The following HUNK variants were observed in gnomAD, a reference collection of about 807,000 sequenced individuals.
HUNK encodes the protein hormonally up-regulated neu tumor-associated kinase.
A neutral mutation model predicts 61.0 loss-of-function variants in HUNK; 21 were observed. That is an observed-to-expected ratio of 0.34 (90% CI 0.24 to 0.50). The LOEUF is 0.50. HUNK is among the 20% of genes least tolerant of loss of function. The pLI, the probability that HUNK is intolerant of heterozygous loss-of-function variation, is 0.98. For missense variants in HUNK, 772 were observed against 945.7 expected, an observed-to-expected ratio of 0.82 and a Z score of 2.41; for synonymous variants, 371 against 386.1, an observed-to-expected ratio of 0.96 and a Z score of 0.46.
chr21:31,917,887 T>C (rs2052596917), intron 1 of HUNK, among the ~76,000 whole-genome samples: 1 of 152,182 alleles, frequency 6.6e-6, no homozygotes, highest in Non-Finnish European at 1.5e-5. Flanking sequence ...GCCTGGAACA[T>C]GCTAAACTTG....
At chr21:31,916,043 CTTTTTTTTTTTT>C (rs34245381) in intron 1 of HUNK, among the ~76,000 whole-genome samples, 14 of 81,772 alleles carry the variant, frequency 1.7e-4, no homozygotes, top group South Asian at 1.7e-3. Flanking sequence ...TAAGTGCTTT[CTTTTTTTTTTTT>C]TTTTTTTTTT....
At chr21:31,966,806 A>G (rs1259599326) in intron 5 of HUNK, among the ~76,000 whole-genome samples, 1 of 152,224 alleles carries the variant, frequency 6.6e-6, no homozygotes, top group East Asian at 1.9e-4. Context: ...GACCAAGCAC[A>G]TTATTATTTT....
At chr21:31,959,748 G>A (rs953169245) in intron 5 of HUNK, among the ~76,000 whole-genome samples, 1 of 152,198 alleles carries the variant, frequency 6.6e-6, no homozygotes, top group African/African-American at 2.4e-5. Context: ...GATACTTAGC[G>A]ATAGTTAAAA....
intron 1 of HUNK, among the ~76,000 whole-genome samples, chr21:31,908,874 GT>G: frequency 6.6e-6 from 1 of 151,820 alleles, no homozygotes. Flanking sequence ...GGTGTTCAGG[GT>G]TTTTTTTGCC....
chr21:31,960,496 G>A (rs774092443), intron 5 of HUNK, among the ~76,000 whole-genome samples: 42 of 152,166 alleles, frequency 2.8e-4, no homozygotes, highest in Non-Finnish European at 5.0e-4. Context: ...CCTTCATCTG[G>A]TGTACTAGTC....
At chr21:31,891,998 G>A (rs926902171) in intron 1 of HUNK, among the ~76,000 whole-genome samples, 3 of 152,004 alleles carry the variant, frequency 2.0e-5, no homozygotes, top group Admixed American at 6.6e-5. Context: ...AGCACAGGCT[G>A]TGGGGGCTGA....
At position 31,917,695 on chromosome 21, in the gene HUNK, TACACACACACACACACACACACAC is replaced by T. The variant is rs3056146; in HGVS notation, c.262-6734_262-6711del. Among the ~76,000 whole-genome samples the T allele has an allele frequency of 5.5e-3, 521 of 94,950 alleles. 7 individuals carry two copies. Among genetic ancestry groups the T allele is most frequent in the African/African-American group, 0.018 (468 of 25,742 alleles). 62.3% of individuals were successfully genotyped at this position (94,950 alleles called of 152,430 possible). A position where few individuals can be genotyped will look rare whatever the true frequency, so the allele number is the denominator to read the frequency against. On this transcript the variant is annotated intron_variant, in intron 1 of 10. Coordinates refer to ENST00000270112, the MANE Select transcript of HUNK (RefSeq NM_014586.2). Reference sequence around the variant, plus strand: ...CTCCTGAAACTCCCATTCCCAAACATACACACACACACACACACACACACACACACACACACACACACACACACA... The same window carrying T: ...CTCCTGAAACTCCCATTCCCAAACATACACACACACACACACACACACACA...
chr21:31,938,380 A>G (rs1340867920), intron 2 of HUNK, among the ~76,000 whole-genome samples: 1 of 152,204 alleles, frequency 6.6e-6, no homozygotes, highest in African/African-American at 2.4e-5. Context: ...GTTGTTTTAA[A>G]TATGAGTTTG....
At chr21:31,969,007 G>A (rs1341589907) in intron 6 of HUNK, among the ~76,000 whole-genome samples, 4 of 151,734 alleles carry the variant, frequency 2.6e-5, no homozygotes, top group Non-Finnish European at 5.9e-5. Context: ...GCCTCCTGAG[G>A]AGCTGGGATT....
intron 6 of HUNK, among the ~76,000 whole-genome samples, chr21:31,969,681 C>T (rs1218325126): frequency 1.3e-5 from 2 of 152,010 alleles, no homozygotes; most frequent in East Asian, 3.9e-4. Context: ...AGTCTCCCAC[C>T]TCAGCCTCCT....
rs2053058558 is a variant in HUNK, at chr21:31,977,540, G to A, written c.1173+2823G>A. Among the ~76,000 whole-genome samples, 3 of 152,300 alleles carry A rather than the reference G, an allele frequency of 2.0e-5. No individual in the cohort carries two copies. In the South Asian group the frequency reaches 6.2e-4, roughly 32 times the overall value. On this transcript the variant is annotated intron_variant, in intron 7 of 10. Coordinates refer to ENST00000270112, the MANE Select transcript of HUNK (RefSeq NM_014586.2). ...TCTTCAGGTGCTGACCAAGTAAGAT[G>A]GAGGGGTGTTAGGTTTTAAAAAACT...
chr21:31,884,696 G>A (rs1259607707), intron 1 of HUNK, among the ~76,000 whole-genome samples: 2 of 152,094 alleles, frequency 1.3e-5, no homozygotes, highest in Non-Finnish European at 2.9e-5. Flanking sequence ...CAGAAAACAC[G>A]CCCTCATCAG....
intron 9 of HUNK, among the ~76,000 whole-genome samples, chr21:31,992,911 C>T (rs1278823366): frequency 6.6e-6 from 1 of 152,132 alleles, no homozygotes; most frequent in Admixed American, 6.6e-5. Flanking sequence ...AGGTTTGTCC[C>T]CGACAGGGAG....
intron 1 of HUNK, among the ~76,000 whole-genome samples, chr21:31,923,857 G>A (rs931789550): frequency 1.3e-5 from 2 of 152,166 alleles, no homozygotes; most frequent in African/African-American, 4.8e-5. Flanking sequence ...GACAGTGGGG[G>A]CCAAGTTTCC....
rs770173135 is a variant in HUNK, at chr21:31,968,220, T to C, written c.875-30T>C. 5.6e-6 allele frequency: 9 copies of C among 1,613,812 alleles called. No homozygotes were observed. In the East Asian group the frequency reaches 1.1e-4, roughly 20 times the overall value. On this transcript the variant is annotated intron_variant, in intron 5 of 10. Coordinates refer to ENST00000270112, the MANE Select transcript of HUNK (RefSeq NM_014586.2). ...TGGTGTCTGCGTTCAGCCTGTAACA[T>C]GCGTGCATTCTTTCCCAAATGTCTC...
chr21:31,882,328 G>C lies in HUNK; in HGVS notation c.261+8393G>C, dbSNP rs542151439. ...TGCATTTGGTTAAGTTTTGGAATTG[G>C]TAATACAGACACATGGTCTGAAATT... On this transcript the variant is annotated intron_variant, in intron 1 of 10. Coordinates refer to ENST00000270112, the MANE Select transcript of HUNK (RefSeq NM_014586.2). 3.3e-5 allele frequency among the ~76,000 whole-genome samples: 5 copies of C among 152,204 alleles called. No individual in the cohort carries two copies. The South Asian group carries it at 8.3e-4, about 25-fold the overall frequency.
At position 31,909,042 on chromosome 21, in the gene HUNK, C is replaced by G. The variant is rs372835641; in HGVS notation, c.262-15426C>G. 3.4e-4 allele frequency among the ~76,000 whole-genome samples: 52 copies of G among 152,296 alleles called. No homozygotes were observed. The East Asian group carries it at 9.7e-3, about 28-fold the overall frequency. On this transcript the variant is annotated intron_variant, in intron 1 of 10. Transcript: ENST00000270112. ...CATTACCTGTTTTAACAATACTCAT[C>G]TCCCCTTAAGATTCCCGAGTTTTGT...
At chr21:31,907,291 A>T (rs542433805) in intron 1 of HUNK, among the ~76,000 whole-genome samples, 6 of 152,362 alleles carry the variant, frequency 3.9e-5, no homozygotes, top group African/African-American at 1.4e-4. Flanking sequence ...ATATCTCCTT[A>T]AGAATTTCAA....
Position 31,903,013 on chromosome 21 carries a change from G to C in HUNK, c.262-21455G>C, listed in dbSNP as rs558334370. On this transcript the variant is annotated intron_variant, in intron 1 of 10. Coordinates refer to ENST00000270112, the MANE Select transcript of HUNK (RefSeq NM_014586.2). The stretch of plus-strand genomic sequence containing the variant: ...TGTCTAATTTTACTTTTTTTTTCTC[G>C]GTGCGGGAGAGAGGTGGAATTTGCA... Among the ~76,000 whole-genome samples, 36 of 150,366 alleles carry C rather than the reference G, an allele frequency of 2.4e-4. 1 individual carries two copies. The highest frequency in any genetic ancestry group is 2.0e-3 in the Admixed American group (31 of 15,130).
Sources: gnomAD v4.1 joint callset for allele counts (sites outside exome capture counted in the v4.1 genomes callset) on GRCh38, gnomAD v4.1.1 for gene constraint, MANE v1.5 for transcripts, NCBI Gene and HGNC (gene_info 2026-07-23, HGNC 2026-07-21) for gene names.